Variants in PCCB observed in about 807,000 individuals in gnomAD.
PCCB encodes propionyl-CoA carboxylase beta chain, mitochondrial.
Under a neutral mutation model 60.7 loss-of-function variants are expected in PCCB, and 43 were observed. That is an observed-to-expected ratio of 0.71 (90% confidence interval 0.55 to 0.91). The LOEUF is 0.91. Among genes scored for constraint, PCCB ranks in the 40% least tolerant of loss-of-function variants. The pLI is 0.00. For missense variants in PCCB, 766 were observed against 702.8 expected, an observed-to-expected ratio of 1.09 and a Z score of -1.02; for synonymous variants, 276 against 255.9, an observed-to-expected ratio of 1.08 and a Z score of -0.75.
At chr3:136,292,553 A>C (rs970956045) in intron 6 of PCCB, among the ~76,000 whole-genome samples, 9 of 152,210 alleles carry the variant, frequency 5.9e-5, no homozygotes, top group Non-Finnish European at 1.3e-4. Context: ...CAATTGGTGA[A>C]AGTTATGATA....
chr3:136,253,091 T>TG (rs1941564473), intron 1 of PCCB, among the ~76,000 whole-genome samples: 1 of 140,030 alleles, frequency 7.1e-6, no homozygotes, highest in Non-Finnish European at 1.5e-5. Context: ...GGTTTTTTTT[T>TG]TTTTTTTTTT....
chr3:136,288,133 GTGCCTTTT>G (rs879902666), intron 6 of PCCB, among the ~76,000 whole-genome samples: 3 of 152,168 alleles, frequency 2.0e-5, no homozygotes, highest in Non-Finnish European at 4.4e-5. Flanking sequence ...ATAAAGCTGA[GTGCCTTTT>G]TGTATGATTC....
rs868851463 is a variant in PCCB, at chr3:136,269,996, T to G, written c.543+7931T>G. ...AGCATGATGTTAACTGGTGTGTGTT[T>G]TTTTTTTTTTTTTGGACATTCTCTT... On this transcript the variant is annotated intron_variant, in intron 5 of 14. Coordinates refer to ENST00000251654, the MANE Select transcript of PCCB (RefSeq NM_000532.5). 3.4e-3 allele frequency among the ~76,000 whole-genome samples: 515 copies of G among 150,810 alleles called. 6 individuals carry two copies. In the East Asian group the frequency reaches 0.045, roughly 13 times the overall value.
intron 6 of PCCB, among the ~76,000 whole-genome samples, chr3:136,286,546 A>G (rs1933418773): frequency 6.6e-6 from 1 of 152,190 alleles, no homozygotes; most frequent in African/African-American, 2.4e-5. Context: ...AAGCTTTGAC[A>G]CTGCCTTGAC....
rs752000929 is a variant in PCCB at position 136,328,803 on chromosome 3, G to T, written c.1444G>T (p.Ala482Ser). 11 of 1,614,064 alleles carry T rather than the reference G, an allele frequency of 6.8e-6. No homozygotes were observed. Among genetic ancestry groups the T allele is most frequent in the Non-Finnish European group, 9.3e-6 (11 of 1,180,008 alleles). The change falls in exon 14 of 15, where the codon GCT (alanine) becomes TCT (serine). Residue 482 changes from alanine to serine, a missense_variant. Transcript: ENST00000251654. ...CAAAGGGCATGAGAATGTGGAAGCT[G>T]CTCAGGCAGAGTACATCGAGAAGTT... The part of the protein sequence containing the change: ...IFKGHENVEA[A>S]QAEYIEKFAN...
At chr3:136,317,281 G>A (rs1398253884) in intron 10 of PCCB, among the ~76,000 whole-genome samples, 1 of 133,684 alleles carries the variant, frequency 7.5e-6, no homozygotes, top group East Asian at 2.6e-4. Flanking sequence ...GAGTGCAGTG[G>A]TGTGATCTCA....
chr3:136,290,349 A>T (rs1933618224), intron 6 of PCCB, among the ~76,000 whole-genome samples: 1 of 151,108 alleles, frequency 6.6e-6, no homozygotes, highest in Admixed American at 6.6e-5. Context: ...ATTTCATTCC[A>T]CTCTCTTCGT....
At position 136,286,984 on chromosome 3, in the gene PCCB, T is replaced by C. The variant is rs940386856; in HGVS notation, c.654+3037T>C. 2.0e-5 allele frequency among the ~76,000 whole-genome samples: 3 copies of C among 148,964 alleles called. No homozygotes were observed. The East Asian group carries it at 5.9e-4, about 29-fold the overall frequency. On this transcript the variant is annotated intron_variant, in intron 6 of 14. Coordinates refer to ENST00000251654, the MANE Select transcript of PCCB (RefSeq NM_000532.5). Reference sequence around the variant, plus strand: ...AGGCGGAGGTTGCAGTGAACCAAGATCGCGCCACTGCACTCCAGCCTGGGT... The same window carrying C: ...AGGCGGAGGTTGCAGTGAACCAAGACCGCGCCACTGCACTCCAGCCTGGGT...
chr3:136,252,190 C>G (rs1426368040), intron 1 of PCCB: 1 of 440,264 alleles, frequency 2.3e-6, no homozygotes, highest in Non-Finnish European at 4.6e-6. Flanking sequence ...CCCTGCACCC[C>G]TTTTAAAACA....
In PCCB at chr3:136,283,847, C is replaced by A. The variant is rs369612150; in HGVS notation, c.554C>A (p.Thr185Lys). Residue 185 changes from threonine to lysine, a missense_variant, in exon 6 of 15, where the codon ACG becomes AAG. By Grantham distance (78) the Thr-to-Lys change is moderately conservative (BLOSUM62 -1). Coordinates refer to ENST00000251654, the MANE Select transcript of PCCB (RefSeq NM_000532.5). ...GYADIFLRNV[T>K]ASGVIPQISL... ...TTTCTGTTTTGGCAGAGGAATGTTA[C>A]GGCATCCGGAGTCATCCCTCAGATT... 2 of 1,610,852 alleles carry A rather than the reference C, an allele frequency of 1.2e-6. No homozygotes were observed. The highest frequency in any genetic ancestry group is 1.1e-5 in the South Asian group (1 of 91,010).
intron 5 of PCCB, among the ~76,000 whole-genome samples, chr3:136,279,210 A>C (rs1454187326): frequency 2.0e-5 from 3 of 152,206 alleles, no homozygotes; most frequent in Non-Finnish European, 4.4e-5. Context: ...TGTAAATAGC[A>C]TACAGATAGA....
Position 136,327,680 on chromosome 3 carries a change from G to T in PCCB, c.1346G>T (p.Gly449Val). The change falls in exon 13 of 15, where the codon GGT becomes GTT. Residue 449 changes from glycine (G) to valine (V), a missense_variant. Physicochemically the swap from Gly to Val is moderately radical, Grantham distance 109. Coordinates refer to ENST00000251654, the MANE Select transcript of PCCB (RefSeq NM_000532.5). ...YDVMSSKHLC[G>V]DTNYAWPTAE... is the part of the protein sequence containing the mutation. ...GTCATGAGCTCTAAGCACCTTTGTG[G>T]TGATACCAACTATGCCTGGCCCACC... is the stretch of plus-strand genomic sequence containing the variant. 3 of 1,614,092 alleles carry T rather than the reference G, an allele frequency of 1.9e-6. No homozygotes were observed. The highest frequency in any genetic ancestry group is 2.5e-6 in the Non-Finnish European group (3 of 1,179,994).
chr3:136,264,507 G>T (rs999111844), intron 5 of PCCB, among the ~76,000 whole-genome samples: 2 of 148,806 alleles, frequency 1.3e-5, no homozygotes, highest in African/African-American at 5.0e-5. Flanking sequence ...ATTGACTTTA[G>T]ATGTTATCTC....
chr3:136,275,244 A>G (rs958461438), intron 5 of PCCB, among the ~76,000 whole-genome samples: 2 of 151,700 alleles, frequency 1.3e-5, no homozygotes, highest in African/African-American at 4.8e-5. Context: ...TGCATTTTGT[A>G]TTTCCCTAAG....
chr3:136,297,618 C>T (rs908827719), intron 7 of PCCB, among the ~76,000 whole-genome samples: 7 of 152,052 alleles, frequency 4.6e-5, no homozygotes, highest in Non-Finnish European at 1.0e-4. Context: ...GAGAAAAGTA[C>T]GGGAGGAGAA....
chr3:136,297,838 C>A, intron 7 of PCCB, 114 bp from the exon 8 acceptor site: 1 of 1,123,316 alleles, frequency 8.9e-7, no homozygotes. Context: ...GAGAACAGAG[C>A]TATCAGCACG....
chr3:136,264,564 T>G (rs1941926773), intron 5 of PCCB, among the ~76,000 whole-genome samples: 1 of 151,584 alleles, frequency 6.6e-6, no homozygotes, highest in African/African-American at 2.4e-5. Flanking sequence ...TTGTTCTCCA[T>G]GATCTTGATA....
At chr3:136,291,930 C>A (rs552503237) in intron 6 of PCCB, among the ~76,000 whole-genome samples, 1 of 152,148 alleles carries the variant, frequency 6.6e-6, no homozygotes, top group African/African-American at 2.4e-5. Flanking sequence ...TTGATCTCTC[C>A]GACTTGTCCA....
rs572246667 is a variant in PCCB, at chr3:136,301,087, C to T, written c.942C>T (p.Tyr314=). 1.4e-5 allele frequency: 22 copies of T among 1,613,888 alleles called. No individual in the cohort carries two copies. Among genetic ancestry groups the T allele is most frequent in the African/African-American group, 8.0e-5 (6 of 74,924 alleles). The change falls in exon 9 of 15, where the codon TAC becomes TAT. Residue 314 remains tyrosine (Y), a synonymous_variant. Transcript: ENST00000251654. Reference sequence around the variant, plus strand: ...TCCCTTTGGAATCAACCAAAGCCTACAACATGGTGGACATCATACACTCTG... The same window carrying T: ...TCCCTTTGGAATCAACCAAAGCCTATAACATGGTGGACATCATACACTCTG... ...TIVPLESTKA[Y]NMVDIIHSVV...
Sources: allele counts gnomAD v4.1 joint callset (sites outside exome capture counted in the v4.1 genomes callset), GRCh38; gene constraint gnomAD v4.1.1; transcripts MANE v1.5; gene names NCBI Gene and HGNC (gene_info 2026-07-23, HGNC 2026-07-21).